Variants in BCAR3 observed in about 807,000 individuals in gnomAD.
BCAR3 encodes the protein BCAR3 adaptor protein, NSP family member.
A neutral mutation model predicts 80.1 loss-of-function variants in BCAR3; 37 were observed. The observed-to-expected ratio is 0.46, with a 90% CI of 0.36 to 0.61. BCAR3 has a LOEUF of 0.61. Ranked by LOEUF, BCAR3 falls within the 20% of genes least tolerant of loss-of-function variation. BCAR3 has a pLI of 0.00. For missense variants in BCAR3, 978 were observed against 1,068.2 expected (o/e 0.92, Z 1.18); for synonymous variants, 389 against 418.9 (o/e 0.93, Z 0.87).
chr1:93,806,607 GT>G (rs1653661901), intron 2 of BCAR3, among the ~76,000 whole-genome samples: 1 of 152,060 alleles, frequency 6.6e-6, no homozygotes, highest in Non-Finnish European at 1.5e-5. Context: ...TCCTTCAGAA[GT>G]TTTTTTCAGT....
rs375780330 is a variant in BCAR3, at chr1:93,709,071, G to C, written c.-62-2929C>G. On this transcript the variant is annotated intron_variant, in intron 2 of 13. Coordinates refer to the BCAR3 transcript ENST00000370244. ...AGAAGTGCTGCGATAAGCTAAGTAG[G>C]CTTTGTTCTGTTTGGAAAAGGGAGG... 7.2e-4 allele frequency among the ~76,000 whole-genome samples: 109 copies of C among 152,274 alleles called. No individual in the cohort carries two copies. In the Middle Eastern group the frequency reaches 0.017, roughly 24 times the overall value.
intron 3 of BCAR3, among the ~76,000 whole-genome samples, chr1:93,618,386 G>T (rs751965014): frequency 6.6e-6 from 1 of 152,178 alleles, no homozygotes; most frequent in Non-Finnish European, 1.5e-5. Flanking sequence ...GTCTCTATCC[G>T]GAAGCAATAT....
chr1:93,728,329 T>C (rs192535107), intron 2 of BCAR3, among the ~76,000 whole-genome samples: 1 of 152,284 alleles, frequency 6.6e-6, no homozygotes, highest in Non-Finnish European at 1.5e-5. Context: ...TCCCACCCCA[T>C]GGCAGTGTTG....
intron 1 of BCAR3, 55 bp downstream of exon 1, chr1:93,681,543 G>GGCGCCCCGGGAGGAACA (rs1251122507): frequency 2.4e-4 from 36 of 152,262 alleles, no homozygotes; most frequent in African/African-American, 8.7e-4. Context: ...GGGAGGCCCA[G>GGCGCCCCGGGAGGAACA]GCGCCCCGGG....
At chr1:93,688,818 G>A (rs191378038) in intron 3 of BCAR3, among the ~76,000 whole-genome samples, 1 of 151,738 alleles carries the variant, frequency 6.6e-6, no homozygotes, top group Non-Finnish European at 1.5e-5. Flanking sequence ...TGTATTTTTA[G>A]TAGAGACAGG....
At chr1:93,642,466 G>A in intron 2 of BCAR3, 123 bp from the exon 3 acceptor site, 1 of 922,106 alleles carries the variant, frequency 1.1e-6, no homozygotes, top group Non-Finnish European at 1.7e-6. Context: ...CATCTCCCAG[G>A]CAGTATTCAC....
chr1:93,570,296 C>T (rs958410503), intron 9 of BCAR3, among the ~76,000 whole-genome samples: 9 of 152,140 alleles, frequency 5.9e-5, no homozygotes, highest in African/African-American at 2.2e-4. Context: ...TCAGTGAGTA[C>T]CTGGCAGGAT....
chr1:93,769,788 A>G lies in BCAR3; in HGVS notation c.-62-63646T>C, dbSNP rs545503471. ...CTTTCCTCATAATAATACTCCATCA[A>G]TGTGGAGAACTCCTCTGGTGCAGAA... On this transcript the variant is annotated intron_variant, in intron 2 of 13. Transcript: ENST00000370244. Among the ~76,000 whole-genome samples the G allele has an allele frequency of 3.4e-3, 515 of 152,290 alleles. 3 individuals are homozygous for G. The highest frequency in any genetic ancestry group is 0.011 in the African/African-American group (470 of 41,552).
intron 7 of BCAR3, 110 bp downstream of exon 7, chr1:93,582,191 C>A: frequency 1.5e-6 from 2 of 1,376,258 alleles, no homozygotes; most frequent in Non-Finnish European, 9.8e-7. Flanking sequence ...CAGAGTGAGG[C>A]CAGATGGATC....
intron 2 of BCAR3, among the ~76,000 whole-genome samples, chr1:93,843,961 G>A (rs1655053064): frequency 6.6e-6 from 1 of 152,140 alleles, no homozygotes; most frequent in South Asian, 2.1e-4. Flanking sequence ...ATATACAGTA[G>A]AAGTATAGTC....
intron 2 of BCAR3, among the ~76,000 whole-genome samples, chr1:93,732,938 C>T (rs1285332334): frequency 6.6e-6 from 1 of 152,218 alleles, no homozygotes; most frequent in African/African-American, 2.4e-5. Context: ...CAGCTAAACA[C>T]AAACAATAAC....
chr1:93,586,616 A>G lies in BCAR3; in HGVS notation c.929+2361T>C, dbSNP rs1673953288. On this transcript the variant is annotated intron_variant, in intron 5 of 11. Transcript: ENST00000260502. The surrounding 1 kb of genome is among the most constrained non-coding windows in gnomAD (Gnocchi z 4.2). ...AGCTCAATTTTTAGTTTTCTGAGGA[A>G]CCTCGAAACTGTTCTCCATAGTGGT... Among the ~76,000 whole-genome samples, 1 of 152,052 alleles carries G rather than the reference A, an allele frequency of 6.6e-6. No homozygotes were observed. Among genetic ancestry groups the G allele is most frequent in the African/African-American group, 2.4e-5 (1 of 41,386 alleles).
chr1:93,746,186 GTCT>G (rs2100702039), intron 2 of BCAR3, among the ~76,000 whole-genome samples: 1 of 152,336 alleles, frequency 6.6e-6, no homozygotes, highest in East Asian at 1.9e-4. Context: ...AACTTGCCAA[GTCT>G]TCTGGGACAG....
At chr1:93,678,337 T>C (rs903791629) in intron 1 of BCAR3, among the ~76,000 whole-genome samples, 1 of 152,218 alleles carries the variant, frequency 6.6e-6, no homozygotes, top group Non-Finnish European at 1.5e-5. Flanking sequence ...GATTCTTCAA[T>C]GCATACATTC....
At chr1:93,573,286 A>G (rs573919320) in intron 8 of BCAR3, among the ~76,000 whole-genome samples, 41 of 152,172 alleles carry the variant, frequency 2.7e-4, no homozygotes, top group African/African-American at 9.9e-4. Flanking sequence ...AGTCCCAGCT[A>G]CTCGAGTGGC....
At chr1:93,610,847 T>C (rs1043746855) in intron 3 of BCAR3, among the ~76,000 whole-genome samples, 1 of 151,628 alleles carries the variant, frequency 6.6e-6, no homozygotes, top group African/African-American at 2.4e-5. Flanking sequence ...CTCAGGAGGC[T>C]GAGACAGGAG....
At chr1:93,837,606 G>A (rs1654815957) in intron 2 of BCAR3, among the ~76,000 whole-genome samples, 1 of 152,174 alleles carries the variant, frequency 6.6e-6, no homozygotes, top group South Asian at 2.1e-4. Context: ...CCATCTTGTT[G>A]CAGCTCTGAG....
chr1:93,631,075 G>A (rs1275120268), intron 3 of BCAR3, among the ~76,000 whole-genome samples: 1 of 152,154 alleles, frequency 6.6e-6, no homozygotes, highest in Non-Finnish European at 1.5e-5. Flanking sequence ...TAAAGTATCC[G>A]GAGGGCCACA....
intron 3 of BCAR3, among the ~76,000 whole-genome samples, chr1:93,638,491 C>T (rs1227375538): frequency 1.3e-5 from 2 of 152,246 alleles, no homozygotes; most frequent in East Asian, 3.9e-4. Context: ...TGCAATGGGG[C>T]AGTGAGTAGG....
Sources: gnomAD v4.1 joint callset for allele counts (sites outside exome capture counted in the v4.1 genomes callset) on GRCh38, gnomAD v4.1.1 for gene constraint, Gnocchi (gnomAD v3.1) non-coding constraint, MANE v1.5 for transcripts, NCBI Gene and HGNC (gene_info 2026-07-23, HGNC 2026-07-21) for gene names.